NRXN3: variants seen among roughly 807,000 people sequenced by gnomAD.
NRXN3 encodes neurexin 3, also known as neurexin III.
A neutral mutation model predicts 137.6 loss-of-function variants in NRXN3; 32 were observed. That is an observed-to-expected ratio of 0.23 (90% CI 0.18 to 0.31). The LOEUF (loss-of-function observed/expected upper bound fraction) is 0.31. Among genes scored for constraint, NRXN3 ranks in the 10% least tolerant of loss-of-function variants. The probability of loss-of-function intolerance (pLI) is 1.00; values close to 1 mark genes in which losing one functional copy is unlikely to be tolerated. For synonymous variants in NRXN3, 798 were observed against 784.5 expected (o/e 1.02, Z -0.29); for missense variants, 1,574 against 2,062.5 (o/e 0.76, Z 4.59).
At chr14:78,305,097 T>G (rs2077228052) in intron 4 of NRXN3, among the ~76,000 whole-genome samples, 1 of 152,160 alleles carries the variant, frequency 6.6e-6, no homozygotes. Context: ...ATTTTCTCTT[T>G]GACCATTGCT....
chr14:78,204,150 C>G (rs2061962483), intron 1 of NRXN3, among the ~76,000 whole-genome samples: 1 of 152,040 alleles, frequency 6.6e-6, no homozygotes, highest in African/African-American at 2.4e-5. Flanking sequence ...AAAGTTTATG[C>G]CATATTACCA....
At chr14:79,809,262 A>G (rs2099222687) in intron 20 of NRXN3, among the ~76,000 whole-genome samples, 2 of 152,112 alleles carry the variant, frequency 1.3e-5, no homozygotes, top group African/African-American at 4.8e-5. Context: ...TTGTTTTAGA[A>G]TTTTTATTTC....
chr14:79,146,499 A>G (rs1330445798), intron 15 of NRXN3, among the ~76,000 whole-genome samples: 1 of 152,192 alleles, frequency 6.6e-6, no homozygotes, highest in Non-Finnish European at 1.5e-5. Flanking sequence ...ATAAGATAGC[A>G]TGGAAGGAAG....
chr14:79,577,060 A>C (rs1050065824), intron 16 of NRXN3, among the ~76,000 whole-genome samples: 1 of 152,114 alleles, frequency 6.6e-6, no homozygotes, highest in Non-Finnish European at 1.5e-5. Context: ...TTCTCATGGT[A>C]GTGAATAAGT....
chr14:79,185,356 G>T (rs868479538), intron 15 of NRXN3, among the ~76,000 whole-genome samples: 1 of 152,072 alleles, frequency 6.6e-6, no homozygotes, highest in Non-Finnish European at 1.5e-5. Flanking sequence ...TTTTAATAAA[G>T]ACTGTCCTGA....
intron 15 of NRXN3, among the ~76,000 whole-genome samples, chr14:79,015,213 CA>C (rs2099577313): frequency 7.1e-6 from 1 of 140,966 alleles, no homozygotes; most frequent in South Asian, 2.1e-4. Flanking sequence ...ACCATTTTTG[CA>C]GTGTTTGGTG....
chr14:78,911,729 T>C (rs2099238346), intron 10 of NRXN3, among the ~76,000 whole-genome samples: 2 of 152,154 alleles, frequency 1.3e-5, no homozygotes, highest in South Asian at 2.1e-4. Flanking sequence ...CTTGCCACAG[T>C]AACACATACT....
intron 15 of NRXN3, among the ~76,000 whole-genome samples, chr14:79,114,488 T>G (rs1459452782): frequency 6.6e-6 from 1 of 152,208 alleles, no homozygotes; most frequent in African/African-American, 2.4e-5. Flanking sequence ...GTTTATGTAC[T>G]CAGCATATTT....
chr14:79,434,584 A>T (rs1194798803), intron 15 of NRXN3, among the ~76,000 whole-genome samples: 3 of 152,242 alleles, frequency 2.0e-5, no homozygotes, highest in African/African-American at 4.8e-5. Flanking sequence ...TATTCTCTTC[A>T]TAAGAAACAC....
chr14:78,946,900 T>C (rs1042054328), intron 10 of NRXN3, among the ~76,000 whole-genome samples: 25 of 152,220 alleles, frequency 1.6e-4, no homozygotes, highest in Non-Finnish European at 3.1e-4. Flanking sequence ...TTTTTGTTGA[T>C]GTTCTAGTTT....
At chr14:79,510,413 C>G (rs183891203) in intron 16 of NRXN3, among the ~76,000 whole-genome samples, 1 of 152,206 alleles carries the variant, frequency 6.6e-6, no homozygotes, top group Non-Finnish European at 1.5e-5. Flanking sequence ...GAAAATTAAG[C>G]ACAGTTAGGG....
chr14:79,769,118 C>T (rs1229774537), intron 19 of NRXN3, among the ~76,000 whole-genome samples: 1 of 151,274 alleles, frequency 6.6e-6, no homozygotes, highest in Non-Finnish European at 1.5e-5. Flanking sequence ...AAATATGGGA[C>T]TATGTGAAAA....
At chr14:78,914,581 T>C (rs2099249917) in intron 10 of NRXN3, among the ~76,000 whole-genome samples, 1 of 151,678 alleles carries the variant, frequency 6.6e-6, no homozygotes, top group Non-Finnish European at 1.5e-5. Flanking sequence ...GGAAAAGCAT[T>C]GCAAACAGAG....
intron 15 of NRXN3, among the ~76,000 whole-genome samples, chr14:79,171,264 G>T (rs980691331): frequency 1.3e-5 from 2 of 152,104 alleles, no homozygotes; most frequent in Non-Finnish European, 2.9e-5. Context: ...AAGAGCATTT[G>T]CTCTTCCTCT....
intron 15 of NRXN3, among the ~76,000 whole-genome samples, chr14:79,349,825 A>T (rs1304502436): frequency 6.6e-6 from 1 of 152,130 alleles, no homozygotes; most frequent in African/African-American, 2.4e-5. Context: ...TAGAAAGAAG[A>T]TTATGCAAAG....
chr14:79,706,424 T>A (rs2098779511), intron 19 of NRXN3, among the ~76,000 whole-genome samples: 1 of 148,856 alleles, frequency 6.7e-6, no homozygotes, highest in African/African-American at 2.4e-5. Context: ...TTTTACTTTT[T>A]TTTTTTTTTT....
intron 15 of NRXN3, among the ~76,000 whole-genome samples, chr14:79,171,347 A>G (rs2061760026): frequency 6.6e-6 from 1 of 152,114 alleles, no homozygotes; most frequent in African/African-American, 2.4e-5. Flanking sequence ...TTTTGTCATA[A>G]AGTCATAAGA....
At chr14:79,322,710 T>C (rs1315420716) in intron 15 of NRXN3, among the ~76,000 whole-genome samples, 1 of 152,234 alleles carries the variant, frequency 6.6e-6, no homozygotes, top group Admixed American at 6.5e-5. Context: ...AGATTTGTTT[T>C]GATAGAAATC....
At position 79,770,417 on chromosome 14, in the gene NRXN3, AAACT is replaced by A. The variant is rs1338409678; in HGVS notation, c.4015-34693_4015-34690del. On this transcript the variant is annotated intron_variant, in intron 19 of 20. Transcript: ENST00000335750. ...AATGTAAAAGAACAGAAATTATAACAAACTATCTCTCAGACCACAGTGCAATCAA... is the reference window on the plus strand; with the variant it reads ...AATGTAAAAGAACAGAAATTATAACAATCTCTCAGACCACAGTGCAATCAA... Among the ~76,000 whole-genome samples, 5 of 140,234 alleles carry A rather than the reference AAACT, an allele frequency of 3.6e-5. No homozygotes were observed. The Admixed American group carries it at 3.7e-4, about 10-fold the overall frequency. 92.0% of individuals were successfully genotyped at this position (140,234 alleles called of 152,430 possible). A position where few individuals can be genotyped will look rare whatever the true frequency, so the allele number is the denominator to read the frequency against.
Sources: gnomAD v4.1 joint callset for allele counts (sites outside exome capture counted in the v4.1 genomes callset) on GRCh38, gnomAD v4.1.1 for gene constraint, MANE v1.5 for transcripts, NCBI Gene and HGNC (gene_info 2026-07-23, HGNC 2026-07-21) for gene names.